The following SH3GL2 variants were observed in gnomAD, a reference collection of about 807,000 sequenced individuals.
SH3GL2 encodes endophilin-A1.
In SH3GL2, 24 loss-of-function variants were observed where a neutral mutation model predicts 46.0. That is an observed-to-expected ratio of 0.52 (90% CI 0.38 to 0.73). The LOEUF is 0.73. SH3GL2 is among the 30% of genes least tolerant of loss of function. The pLI, the probability that SH3GL2 is intolerant of heterozygous loss-of-function variation, is 0.00. For synonymous variants in SH3GL2, 196 were observed against 147.1 expected (o/e 1.33, Z -2.40); for missense variants, 413 against 424.2 (o/e 0.97, Z 0.23).
intron 6 of SH3GL2, chr9:17,790,379 C>T: frequency 1.0e-6 from 1 of 960,696 alleles, no homozygotes; most frequent in Non-Finnish European, 1.2e-6. Flanking sequence ...CTAAAATTAA[C>T]CATCACATTG....
intron 1 of SH3GL2, among the ~76,000 whole-genome samples, chr9:17,619,278 A>G (rs1391982809): frequency 1.3e-5 from 2 of 152,226 alleles, no homozygotes; most frequent in East Asian, 1.9e-4. Flanking sequence ...GTATTTCCTT[A>G]TAGCCTTCTT....
intron 2 of SH3GL2, among the ~76,000 whole-genome samples, chr9:17,753,586 A>T (rs1309066853): frequency 1.3e-5 from 2 of 152,132 alleles, no homozygotes; most frequent in African/African-American, 4.8e-5. Context: ...CCTTTGTTGG[A>T]TACATAGCTT....
At position 17,579,227 on chromosome 9, in the gene SH3GL2, C is replaced by A. The variant is rs746022355; in HGVS notation, c.-16C>A. ...CTCCCTCCCGCACAGCAGCCGCCAG[C>A]GCGGCCTCCTGCACCATGTCGGTGG... On this transcript the variant is annotated 5_prime_UTR_variant, in exon 1 of 9. Coordinates refer to ENST00000380607, the MANE Select transcript of SH3GL2 (RefSeq NM_003026.5). The A allele has an allele frequency of 1.3e-6, 2 of 1,543,360 alleles. No individual in the cohort carries two copies. The highest frequency in any genetic ancestry group is 1.7e-4 in the Middle Eastern group (1 of 5,872).
At chr9:17,648,597 A>G (rs1416495651) in intron 1 of SH3GL2, among the ~76,000 whole-genome samples, 1 of 152,174 alleles carries the variant, frequency 6.6e-6, no homozygotes, top group Non-Finnish European at 1.5e-5. Context: ...TCTTGTTGTC[A>G]TTATTATTAT....
chr9:17,771,254 AC>A (rs909190344), intron 3 of SH3GL2, among the ~76,000 whole-genome samples: 4 of 152,110 alleles, frequency 2.6e-5, no homozygotes, highest in African/African-American at 7.2e-5. Flanking sequence ...GGTCTCCTGA[AC>A]CCCCCAGGGA....
intron 2 of SH3GL2, among the ~76,000 whole-genome samples, chr9:17,760,129 TAAA>T (rs1186235279): frequency 1.3e-5 from 2 of 152,190 alleles, no homozygotes; most frequent in East Asian, 3.8e-4. Flanking sequence ...CACTCAATCT[TAAA>T]GATCTTTGAA....
At chr9:17,722,265 T>A (rs1013940337) in intron 1 of SH3GL2, among the ~76,000 whole-genome samples, 1 of 152,106 alleles carries the variant, frequency 6.6e-6, no homozygotes, top group Admixed American at 6.6e-5. Flanking sequence ...ATCTTCTGTT[T>A]AGTAAGCTTT....
chr9:17,680,729 G>C (rs200138217), intron 1 of SH3GL2, among the ~76,000 whole-genome samples: 2 of 151,856 alleles, frequency 1.3e-5, no homozygotes, highest in Admixed American at 6.6e-5. Context: ...GTTAGGGTGT[G>C]AATTTTAGAT....
intron 1 of SH3GL2, among the ~76,000 whole-genome samples, chr9:17,683,660 C>T (rs1820831888): frequency 6.6e-6 from 1 of 152,070 alleles, no homozygotes; most frequent in East Asian, 1.9e-4. Flanking sequence ...TTCCTCTCTA[C>T]ATACACCAGG....
chr9:17,717,061 A>G (rs1201306981), intron 1 of SH3GL2, among the ~76,000 whole-genome samples: 3 of 152,090 alleles, frequency 2.0e-5, no homozygotes, highest in Non-Finnish European at 2.9e-5. Context: ...GTAGCTATCT[A>G]TATCTTTAAA....
chr9:17,762,563 T>C (rs910025276), intron 3 of SH3GL2, among the ~76,000 whole-genome samples: 2 of 152,146 alleles, frequency 1.3e-5, no homozygotes, highest in Non-Finnish European at 2.9e-5. Context: ...GAGCAGACTA[T>C]GTAGGAATAA....
intron 1 of SH3GL2, chr9:17,630,505 G>GT (rs1250134509): frequency 6.6e-6 from 1 of 152,236 alleles, no homozygotes; most frequent in Non-Finnish European, 1.5e-5. Context: ...GTGATCACGC[G>GT]TATCAATGCT....
At chr9:17,603,570 T>C (rs1355098484) in intron 1 of SH3GL2, among the ~76,000 whole-genome samples, 2 of 151,978 alleles carry the variant, frequency 1.3e-5, no homozygotes, top group Non-Finnish European at 2.9e-5. Flanking sequence ...GCATAAAACA[T>C]GAATACACGG....
intron 1 of SH3GL2, among the ~76,000 whole-genome samples, chr9:17,622,997 T>TTTCCGTTCCTTTCCGTTCCG (rs1365195119): frequency 1.2e-5 from 1 of 81,940 alleles, no homozygotes; most frequent in Admixed American, 1.2e-4. Flanking sequence ...TTTCCTTTCC[T>TTTCCGTTCCTTTCCGTTCCG]TTCCTTTCCT....
intron 1 of SH3GL2, among the ~76,000 whole-genome samples, chr9:17,738,546 G>GTATGTGTATATACATACATATATACATA (rs1822414529): frequency 2.8e-5 from 1 of 35,904 alleles, no homozygotes; most frequent in African/African-American, 7.0e-5. Flanking sequence ...ATATACATAA[G>GTATGTGTATATACATACATATATACATA]TGTGTGTGTA....
At chr9:17,608,104 G>T (rs772935004) in intron 1 of SH3GL2, among the ~76,000 whole-genome samples, 96 of 150,800 alleles carry the variant, frequency 6.4e-4, no homozygotes, top group Admixed American at 1.1e-3. Flanking sequence ...TGGATATTTA[G>T]GAATAAAATC....
At chr9:17,650,635 G>C (rs555033442) in intron 1 of SH3GL2, among the ~76,000 whole-genome samples, 2 of 152,318 alleles carry the variant, frequency 1.3e-5, no homozygotes, top group African/African-American at 4.8e-5. Context: ...GGGATTACAG[G>C]CGTGAGTCAC....
intron 3 of SH3GL2, among the ~76,000 whole-genome samples, chr9:17,778,269 A>G (rs780398040): frequency 3.9e-5 from 6 of 152,142 alleles, no homozygotes; most frequent in Non-Finnish European, 7.4e-5. Context: ...ACTCTAAGGC[A>G]GTTCTGAGCC....
At chr9:17,675,797 T>C (rs1383070742) in intron 1 of SH3GL2, among the ~76,000 whole-genome samples, 1 of 152,042 alleles carries the variant, frequency 6.6e-6, no homozygotes, top group African/African-American at 2.4e-5. Flanking sequence ...ATACAAAAAT[T>C]AGCTGGGTGT....
Sources: gnomAD v4.1 joint callset for allele counts (sites outside exome capture counted in the v4.1 genomes callset) on GRCh38, gnomAD v4.1.1 for gene constraint, MANE v1.5 for transcripts, NCBI Gene and HGNC (gene_info 2026-07-23, HGNC 2026-07-21) for gene names.